The following FANCC variants were observed in gnomAD, a reference collection of about 807,000 sequenced individuals.
The protein encoded by FANCC is FA complementation group C, also known as Fanconi anemia group C protein.
A neutral mutation model predicts 71.3 loss-of-function variants in FANCC; 55 were observed. The ratio of observed to expected loss-of-function variants is 0.77; its 90% confidence interval spans 0.62 to 0.97. The LOEUF (loss-of-function observed/expected upper bound fraction) is 0.97. Among genes scored for constraint, FANCC ranks in the 50% least tolerant of loss-of-function variants. The pLI is 0.00. For missense variants in FANCC, 678 were observed against 670.9 expected (o/e 1.01, Z -0.12); for synonymous variants, 275 against 244.9 (o/e 1.12, Z -1.15).
chr9:95,216,239 A>G (rs543847284), intron 4 of FANCC, among the ~76,000 whole-genome samples: 1 of 152,380 alleles, frequency 6.6e-6, no homozygotes, highest in African/African-American at 2.4e-5. Context: ...AAGTATTACC[A>G]GGAAAAAAGA....
At chr9:95,293,286 T>C (rs1309982555) in intron 1 of FANCC, 21 of 1,613,548 alleles carry the variant, frequency 1.3e-5, no homozygotes, top group Non-Finnish European at 1.7e-5. Flanking sequence ...ATGCCTGTCT[T>C]TGTGCCTACA....
At chr9:95,312,796 T>C (rs988066251) in intron 1 of FANCC, among the ~76,000 whole-genome samples, 1 of 151,886 alleles carries the variant, frequency 6.6e-6, no homozygotes, top group African/African-American at 2.4e-5. Context: ...TAAGGAAAAA[T>C]ACCCACTTCT....
chr9:95,106,068 C>T (rs2071424253), intron 14 of FANCC, among the ~76,000 whole-genome samples: 1 of 152,200 alleles, frequency 6.6e-6, no homozygotes, highest in South Asian at 2.1e-4. Flanking sequence ...AGCTGCACGA[C>T]GTTAATGTCC....
intron 1 of FANCC, among the ~76,000 whole-genome samples, chr9:95,301,522 C>A (rs1011554174): frequency 5.3e-5 from 8 of 151,838 alleles, no homozygotes; most frequent in Non-Finnish European, 8.8e-5. Context: ...GCCTCAACCT[C>A]CTCCAAGCGA....
chr9:95,211,647 T>C (rs1461591118), intron 4 of FANCC, among the ~76,000 whole-genome samples: 1 of 152,098 alleles, frequency 6.6e-6, no homozygotes, highest in Non-Finnish European at 1.5e-5. Flanking sequence ...AATCAACACA[T>C]TCATCAATGC....
intron 1 of FANCC, chr9:95,293,599 C>T: frequency 1.2e-6 from 2 of 1,614,164 alleles, no homozygotes; most frequent in East Asian, 2.2e-5. Context: ...CTGTCTTATG[C>T]CTCACAAAAC....
chr9:95,180,641 C>CTT (rs999685824), intron 4 of FANCC, among the ~76,000 whole-genome samples: 1 of 144,396 alleles, frequency 6.9e-6, no homozygotes. Context: ...ATCTGGCCAA[C>CTT]TTTTTTTTTT....
intron 1 of FANCC, among the ~76,000 whole-genome samples, chr9:95,260,100 A>C (rs2136161895): frequency 6.6e-6 from 1 of 152,356 alleles, no homozygotes; most frequent in South Asian, 2.1e-4. Flanking sequence ...GTGGGAGTGT[A>C]AATTACTTCA....
At chr9:95,294,658 A>G in intron 1 of FANCC, 1 of 1,589,568 alleles carries the variant, frequency 6.3e-7, no homozygotes, top group Non-Finnish European at 8.6e-7. Context: ...TGGGTTTGAA[A>G]CCCTGGGGAG....
At chr9:95,201,014 C>T (rs1319009752) in intron 4 of FANCC, among the ~76,000 whole-genome samples, 1 of 152,252 alleles carries the variant, frequency 6.6e-6, no homozygotes, top group East Asian at 1.9e-4. Context: ...TAGTACATTT[C>T]CCATCAAGAA....
intron 6 of FANCC, among the ~76,000 whole-genome samples, chr9:95,170,552 CTTTGA>C (rs1825597977): frequency 1.3e-5 from 2 of 151,674 alleles, no homozygotes; most frequent in South Asian, 2.1e-4. Context: ...GTCTGAATCT[CTTTGA>C]TTTGTTTAGT....
At chr9:95,141,723 C>T (rs143717785) in intron 7 of FANCC, among the ~76,000 whole-genome samples, 168 of 152,140 alleles carry the variant, frequency 1.1e-3, no homozygotes, top group Non-Finnish European at 1.7e-3. Context: ...GCATAACAGA[C>T]GAGTAAACTA....
intron 4 of FANCC, among the ~76,000 whole-genome samples, chr9:95,216,592 G>T (rs1423064220): frequency 6.6e-6 from 1 of 152,116 alleles, no homozygotes; most frequent in African/African-American, 2.4e-5. Context: ...AGAAGAAATG[G>T]GACAGGTTTG....
chr9:95,305,809 T>C (rs1164175952), intron 1 of FANCC, among the ~76,000 whole-genome samples: 2 of 152,148 alleles, frequency 1.3e-5, no homozygotes, highest in East Asian at 3.8e-4. Context: ...AAATAAAGCT[T>C]GAAAAGAAAT....
intron 3 of FANCC, among the ~76,000 whole-genome samples, chr9:95,243,309 G>C (rs779337702): frequency 3.3e-5 from 5 of 152,054 alleles, no homozygotes; most frequent in Admixed American, 6.5e-5. Context: ...GGACATCATC[G>C]AATAAAAAGG....
chr9:95,237,725 A>G lies in FANCC; in HGVS notation c.345+2924T>C, dbSNP rs548611728. On this transcript the variant is annotated intron_variant, in intron 4 of 14. Transcript: ENST00000289081. ...TCAACCCTACATTTTATAAAATCTAAATACAGATCAAGAATTTCCAAAGAA... is the reference window on the plus strand; with the variant it reads ...TCAACCCTACATTTTATAAAATCTAGATACAGATCAAGAATTTCCAAAGAA... Among the ~76,000 whole-genome samples, 3 of 152,366 alleles carry G rather than the reference A, an allele frequency of 2.0e-5. No individual in the cohort carries two copies. In the East Asian group the frequency reaches 5.8e-4, roughly 29 times the overall value.
At chr9:95,274,962 T>C (rs938847656) in intron 1 of FANCC, among the ~76,000 whole-genome samples, 10 of 151,992 alleles carry the variant, frequency 6.6e-5, no homozygotes, top group Non-Finnish European at 1.5e-4. Context: ...GTTCCTCAAG[T>C]AATTTTTAAA....
At chr9:95,269,764 C>T (rs1832614375) in intron 1 of FANCC, among the ~76,000 whole-genome samples, 1 of 151,946 alleles carries the variant, frequency 6.6e-6, no homozygotes, top group South Asian at 2.1e-4. Context: ...ACTCTGGGAA[C>T]CATTATTGTA....
At chr9:95,273,416 G>C (rs1832850404) in intron 1 of FANCC, among the ~76,000 whole-genome samples, 1 of 152,184 alleles carries the variant, frequency 6.6e-6, no homozygotes, top group Non-Finnish European at 1.5e-5. Context: ...AAGTCAAATG[G>C]GGGAAGAGGT....
Sources: allele counts gnomAD v4.1 joint callset (sites outside exome capture counted in the v4.1 genomes callset), GRCh38; gene constraint gnomAD v4.1.1; transcripts MANE v1.5; gene names NCBI Gene and HGNC (gene_info 2026-07-23, HGNC 2026-07-21).